SYT16: variants seen among roughly 807,000 people sequenced by gnomAD.
SYT16 encodes synaptotagmin-16.
A neutral mutation model predicts 61.4 loss-of-function variants in SYT16; 42 were observed. That is an observed-to-expected ratio of 0.68 (90% CI 0.53 to 0.89). The LOEUF is 0.89. Among genes scored for constraint, SYT16 ranks in the 40% least tolerant of loss-of-function variants. The probability of loss-of-function intolerance (pLI) is 0.00; values close to 1 mark genes in which losing one functional copy is unlikely to be tolerated. For missense variants in SYT16, 804 were observed against 807.3 expected (o/e 1.00, Z 0.05); for synonymous variants, 314 against 302.3 (o/e 1.04, Z -0.40).
At chr14:61,945,298 T>C (rs2050379270) in intron 1 of SYT16, among the ~76,000 whole-genome samples, 1 of 152,172 alleles carries the variant, frequency 6.6e-6, no homozygotes, top group African/African-American at 2.4e-5. Context: ...GAGTGTAAAT[T>C]AGTTCAACCA....
chr14:61,999,533 C>G (rs1034619463), intron 3 of SYT16, among the ~76,000 whole-genome samples: 1 of 151,556 alleles, frequency 6.6e-6, no homozygotes, highest in African/African-American at 2.4e-5. Context: ...GTCTATCCAC[C>G]TACCTATCTG....
intron 1 of SYT16, among the ~76,000 whole-genome samples, chr14:61,866,140 C>T (rs779496656): frequency 3.3e-5 from 5 of 151,334 alleles, no homozygotes; most frequent in African/African-American, 4.9e-5. Context: ...AGGAAACCAC[C>T]TTTGTAGTCT....
chr14:61,846,309 C>G (rs758566177), intron 1 of SYT16, among the ~76,000 whole-genome samples: 1 of 152,048 alleles, frequency 6.6e-6, no homozygotes, highest in Non-Finnish European at 1.5e-5. Context: ...CTCTTTAGCT[C>G]TCATATTTGC....
intron 1 of SYT16, among the ~76,000 whole-genome samples, chr14:61,840,705 A>C (rs1286672555): frequency 6.6e-6 from 1 of 152,134 alleles, no homozygotes; most frequent in Non-Finnish European, 1.5e-5. Context: ...GGTGGCTTCC[A>C]TGTTAGTGTT....
At chr14:62,039,701 A>G (rs898650509) in intron 3 of SYT16, among the ~76,000 whole-genome samples, 2 of 152,148 alleles carry the variant, frequency 1.3e-5, no homozygotes, top group African/African-American at 4.8e-5. Context: ...AGATTTCATA[A>G]TTATGTGTTG....
At chr14:62,037,876 G>T (rs1264456194) in intron 3 of SYT16, among the ~76,000 whole-genome samples, 1 of 152,122 alleles carries the variant, frequency 6.6e-6, no homozygotes, top group East Asian at 1.9e-4. Flanking sequence ...TAGTGTCATA[G>T]AAGAGGGAGC....
chr14:62,110,427 C>T lies in SYT16; in HGVS notation c.*9720C>T, dbSNP rs917872691. ...TATGACAAGGTGATAGATGGAAAGA[C>T]GTTTTGCAGAATTTTTGAAGACTTG... On this transcript the variant is annotated 3_prime_UTR_variant, in exon 8 of 8. Transcript: ENST00000683842. The T allele has an allele frequency of 2.0e-5, 3 of 152,034 alleles. No homozygotes were observed. Among genetic ancestry groups the T allele is most frequent in the Non-Finnish European group, 2.9e-5 (2 of 67,956 alleles). The allele number at this position is 152,034 out of a possible 1,614,324, so 9.4% of individuals were successfully genotyped here.
chr14:62,073,711 T>C (rs893969880), intron 4 of SYT16, among the ~76,000 whole-genome samples: 3 of 151,934 alleles, frequency 2.0e-5, no homozygotes, highest in Admixed American at 1.3e-4. Flanking sequence ...GTTGATAACA[T>C]ATTTTTAAAA....
intron 1 of SYT16, among the ~76,000 whole-genome samples, chr14:61,859,330 C>T (rs886883203): frequency 6.6e-6 from 1 of 151,904 alleles, no homozygotes; most frequent in Non-Finnish European, 1.5e-5. Flanking sequence ...GACAAGATGG[C>T]GGCCAGACAC....
At chr14:61,832,269 G>T (rs1288085192) in intron 1 of SYT16, 3 of 596,564 alleles carry the variant, frequency 5.0e-6, no homozygotes, top group Non-Finnish European at 9.9e-6. Flanking sequence ...AGCTGGGAGC[G>T]CATAGTCATC....
At chr14:62,055,999 A>G (rs1230938579) in intron 3 of SYT16, among the ~76,000 whole-genome samples, 3 of 151,706 alleles carry the variant, frequency 2.0e-5, no homozygotes, top group African/African-American at 7.3e-5. Context: ...TCAGTGTGGG[A>G]GAAAGATGGA....
intron 1 of SYT16, among the ~76,000 whole-genome samples, chr14:61,938,026 AACACACACACACAC>A (rs3071213): frequency 2.2e-5 from 3 of 135,666 alleles, no homozygotes; most frequent in Admixed American, 7.5e-5. Flanking sequence ...CCTACCCCGC[AACACACACACACAC>A]ACACACACAC....
chr14:62,057,684 T>C (rs2055626423), intron 3 of SYT16, among the ~76,000 whole-genome samples: 1 of 152,190 alleles, frequency 6.6e-6, no homozygotes, highest in Non-Finnish European at 1.5e-5. Flanking sequence ...CTGGGAATAT[T>C]TGAGTCACCA....
At chr14:61,868,544 C>T (rs928671727) in intron 1 of SYT16, among the ~76,000 whole-genome samples, 25 of 151,578 alleles carry the variant, frequency 1.6e-4, no homozygotes, top group African/African-American at 5.3e-4. Context: ...TTAAATTTCC[C>T]TTTTGACTTC....
At chr14:61,845,039 CTTTTT>C (rs35131511) in intron 1 of SYT16, among the ~76,000 whole-genome samples, 59 of 97,620 alleles carry the variant, frequency 6.0e-4, no homozygotes, top group African/African-American at 2.6e-3. Flanking sequence ...TACTAGAAGA[CTTTTT>C]TTTTTTTTTT....
intron 3 of SYT16, among the ~76,000 whole-genome samples, chr14:62,036,632 AG>A (rs1185317145): frequency 6.6e-6 from 1 of 152,156 alleles, no homozygotes; most frequent in East Asian, 1.9e-4. Flanking sequence ...CAGAAGGCAA[AG>A]GAGGAGCAAA....
chr14:62,028,456 CAT>C (rs1376904909), intron 3 of SYT16, among the ~76,000 whole-genome samples: 3 of 152,188 alleles, frequency 2.0e-5, no homozygotes, highest in Non-Finnish European at 4.4e-5. Flanking sequence ...TCACACAGCT[CAT>C]ATTTGACAGA....
chr14:61,818,642 C>CACTGTACATACTGA (rs2045517627), intron 1 of SYT16, among the ~76,000 whole-genome samples: 1 of 147,986 alleles, frequency 6.8e-6, no homozygotes, highest in Non-Finnish European at 1.5e-5. Flanking sequence ...TGCTTCACCG[C>CACTGTACATACTGA]ACTCCAGCCT....
chr14:61,958,891 T>C (rs1170321853), intron 1 of SYT16, among the ~76,000 whole-genome samples: 1 of 152,106 alleles, frequency 6.6e-6, no homozygotes, highest in African/African-American at 2.4e-5. Context: ...ATTTTTCACT[T>C]CAGATTTGTC....
Sources: allele counts gnomAD v4.1 joint callset (sites outside exome capture counted in the v4.1 genomes callset), GRCh38; gene constraint gnomAD v4.1.1; transcripts MANE v1.5; gene names NCBI Gene and HGNC (gene_info 2026-07-23, HGNC 2026-07-21).